SS18L1: variants seen among roughly 807,000 people sequenced by gnomAD.
The protein encoded by SS18L1 is SS18L1 subunit of BAF chromatin remodeling complex.
In SS18L1, 32 loss-of-function variants were observed where a neutral mutation model predicts 70.3. That is an observed-to-expected ratio of 0.46 (90% CI 0.34 to 0.61). The LOEUF is 0.61. Ranked by LOEUF, SS18L1 falls within the 20% of genes least tolerant of loss-of-function variation. SS18L1 has a pLI of 0.01. For missense variants in SS18L1, 430 were observed against 542.1 expected, an observed-to-expected ratio of 0.79 and a Z score of 2.05; for synonymous variants, 237 against 229.7, an observed-to-expected ratio of 1.03 and a Z score of -0.29.
intron 8 of SS18L1, among the ~76,000 whole-genome samples, chr20:62,166,752 C>T (rs2057438833): frequency 1.3e-5 from 2 of 151,090 alleles, no homozygotes; most frequent in South Asian, 4.2e-4. Context: ...CGGTGAAACC[C>T]CGTCTCTACT....
chr20:62,169,809 T>C lies in SS18L1; in HGVS notation c.917-2873T>C, dbSNP rs544326928. On this transcript the variant is annotated intron_variant, in intron 8 of 10. Transcript: ENST00000331758. ...AAAAAAAAAGGAACATCATTGGCTG[T>C]CACAGAAACTGAAAGGACCTCACTT... Among the ~76,000 whole-genome samples the C allele has an allele frequency of 2.1e-3, 313 of 150,924 alleles. 2 individuals are homozygous for C. Among genetic ancestry groups the C allele is most frequent in the African/African-American group, 6.6e-3 (272 of 41,012 alleles).
At chr20:62,170,475 C>T (rs1170851831) in intron 8 of SS18L1, among the ~76,000 whole-genome samples, 5 of 152,324 alleles carry the variant, frequency 3.3e-5, no homozygotes, top group Middle Eastern at 3.4e-3. Flanking sequence ...CACTGCACTC[C>T]AGCCTGGGTG....
chr20:62,161,308 G>A lies in SS18L1; in HGVS notation c.232-128G>A, dbSNP rs918608126. The stretch of plus-strand genomic sequence containing the variant: ...GGCTGTGACGATGGCTGCTGATTAC[G>A]AACATTGACCAGGTGGCCATGATGT... On this transcript the variant is annotated intron_variant, in intron 3 of 10. Coordinates refer to ENST00000331758, the MANE Select transcript of SS18L1 (RefSeq NM_198935.3). The surrounding 1 kb of genome is among the most constrained non-coding windows in gnomAD (Gnocchi z 4.4). 1.3e-5 allele frequency: 17 copies of A among 1,344,748 alleles called. No homozygotes were observed. In the African/African-American group the frequency reaches 1.5e-4, roughly 12 times the overall value. 83.3% of individuals were successfully genotyped at this position (1,344,748 alleles called of 1,614,324 possible).
At position 62,164,161 on chromosome 20, in the gene SS18L1, C is replaced by T. The variant is rs1343425278; in HGVS notation, c.738C>T (p.Tyr246=). ...RPSQQGSSQQ[Y]LGQEEYYGEQ... is the part of the protein sequence containing the mutation. ...CCCCCGCAGGCTCTTCCCAGCAGTA[C>T]CTGGGCCAGGAGGAGTACTATGGCG... The change falls in exon 7 of 11, where the codon TAC becomes TAT. Residue 246 remains tyrosine, a synonymous_variant. Coordinates refer to ENST00000331758, the MANE Select transcript of SS18L1 (RefSeq NM_198935.3). The T allele has an allele frequency of 1.3e-6, 2 of 1,549,956 alleles. No individual in the cohort carries two copies. Among genetic ancestry groups the T allele is most frequent in the Admixed American group, 2.0e-5 (1 of 50,966 alleles).
intron 4 of SS18L1, among the ~76,000 whole-genome samples, chr20:62,162,124 A>G (rs1371198488): frequency 6.6e-6 from 1 of 152,172 alleles, no homozygotes; most frequent in Non-Finnish European, 1.5e-5. Context: ...AATACTCGGG[A>G]GACTGAGGAG....
At chr20:62,154,639 G>C (rs2057190452) in intron 1 of SS18L1, among the ~76,000 whole-genome samples, 1 of 152,216 alleles carries the variant, frequency 6.6e-6, no homozygotes, top group African/African-American at 2.4e-5. Flanking sequence ...GAGGCTCCGT[G>C]CTGTCGGAAT....
At chr20:62,152,197 A>G (rs969150682) in intron 1 of SS18L1, among the ~76,000 whole-genome samples, 27 of 152,134 alleles carry the variant, frequency 1.8e-4, no homozygotes, top group African/African-American at 6.3e-4. Flanking sequence ...GAGCAGATGC[A>G]TGCCCACGTC....
rs919446287 is a variant in SS18L1 at position 62,159,157 on chromosome 20, G to A, written c.146+409G>A. 6.6e-6 allele frequency among the ~76,000 whole-genome samples: 1 copy of A among 152,220 alleles called. No individual in the cohort carries two copies. Among genetic ancestry groups the A allele is most frequent in the African/African-American group, 2.4e-5 (1 of 41,448 alleles). ...GCAGGAGCAGTGTGGGGAGGCCTGGGCCAGCCTCTCTGGGCAGCTCTGTGG... is the reference window on the plus strand; with the variant it reads ...GCAGGAGCAGTGTGGGGAGGCCTGGACCAGCCTCTCTGGGCAGCTCTGTGG... On this transcript the variant is annotated intron_variant, in intron 2 of 10. Coordinates refer to ENST00000331758, the MANE Select transcript of SS18L1 (RefSeq NM_198935.3). The surrounding 1 kb of genome is among the most constrained non-coding windows in gnomAD (Gnocchi z 4.4).
At chr20:62,151,811 C>G (rs1044582146) in intron 1 of SS18L1, among the ~76,000 whole-genome samples, 2 of 151,328 alleles carry the variant, frequency 1.3e-5, no homozygotes, top group East Asian at 2.0e-4. Flanking sequence ...CCCCGTTCCC[C>G]TCTTTTCCCG....
intron 8 of SS18L1, among the ~76,000 whole-genome samples, chr20:62,167,397 GAAAA>G (rs74893564): frequency 1.6e-5 from 2 of 122,194 alleles, no homozygotes; most frequent in African/African-American, 2.9e-5. Context: ...TTTCTCTCCC[GAAAA>G]AAAAAAAAAA....
At chr20:62,162,714 C>T (rs917885133) in intron 4 of SS18L1, 38 bp from the exon 5 acceptor site, 7 of 1,573,936 alleles carry the variant, frequency 4.4e-6, no homozygotes, top group Non-Finnish European at 5.2e-6. Flanking sequence ...TGACCTGGCT[C>T]CCCAGTGCCT....
intron 8 of SS18L1, among the ~76,000 whole-genome samples, chr20:62,170,497 C>G (rs183713655): frequency 6.6e-6 from 1 of 152,232 alleles, no homozygotes; most frequent in Admixed American, 6.5e-5. Flanking sequence ...CAGAGCGAGA[C>G]TCCATCTCGA....
At chr20:62,164,528 G>A (rs1027082397) in intron 7 of SS18L1, among the ~76,000 whole-genome samples, 5 of 152,254 alleles carry the variant, frequency 3.3e-5, no homozygotes, top group Non-Finnish European at 5.9e-5. Flanking sequence ...GAAAGGCTGT[G>A]GGAGTTGGAG....
At chr20:62,156,963 G>A (rs904807621) in intron 1 of SS18L1, among the ~76,000 whole-genome samples, 3 of 152,232 alleles carry the variant, frequency 2.0e-5, no homozygotes, top group Admixed American at 6.5e-5. Context: ...GGCGTGGTGG[G>A]CTCAGTTCTG....
In SS18L1 at chr20:62,162,839, C is replaced by G; in HGVS notation, c.464C>G (p.Ala155Gly). 1 of 1,612,852 alleles carries G rather than the reference C, an allele frequency of 6.2e-7. No homozygotes were observed. Among genetic ancestry groups the G allele is most frequent in the Non-Finnish European group, 8.5e-7 (1 of 1,179,956 alleles). Reference protein sequence around the residue: ...MSISGPGYSHAGPASQGVPMQ... With the variant: ...MSISGPGYSHGGPASQGVPMQ... The stretch of plus-strand genomic sequence containing the variant: ...ATCTCTGGGCCCGGCTACAGCCACG[C>G]GGGACCCGCCTCGCAGGGCGTCCCC... Residue 155 changes from alanine (A) to glycine (G), a missense_variant, in exon 5 of 11, where the codon GCG becomes GGG. Ala to Gly is a moderately conservative substitution (Grantham distance 60). Coordinates refer to ENST00000331758, the MANE Select transcript of SS18L1 (RefSeq NM_198935.3).
intron 1 of SS18L1, among the ~76,000 whole-genome samples, chr20:62,144,664 C>G (rs2056990991): frequency 6.6e-6 from 1 of 152,262 alleles, no homozygotes; most frequent in East Asian, 1.9e-4. Context: ...TTGTGGTTTT[C>G]AAGAGACAGC....
At chr20:62,160,685 C>T (rs1323258715) in intron 3 of SS18L1, among the ~76,000 whole-genome samples, 4 of 152,172 alleles carry the variant, frequency 2.6e-5, no homozygotes, top group Non-Finnish European at 4.4e-5. Flanking sequence ...CCGGGAATGA[C>T]GTATCTCCTA....
chr20:62,151,974 CCCGGTCCCCAGGG>C (rs2057140737), intron 1 of SS18L1, among the ~76,000 whole-genome samples: 5 of 148,568 alleles, frequency 3.4e-5, no homozygotes, highest in South Asian at 2.1e-4. Flanking sequence ...CCCCTCTTTT[CCCGGTCCCCAGGG>C]CTGGCCTCCC....
intron 8 of SS18L1, among the ~76,000 whole-genome samples, chr20:62,169,017 A>G (rs1361518685): frequency 1.3e-5 from 2 of 151,970 alleles, no homozygotes; most frequent in Non-Finnish European, 2.9e-5. Context: ...AGCGGGGGCC[A>G]CGGGGTCACT....
Sources: allele counts gnomAD v4.1 joint callset (sites outside exome capture counted in the v4.1 genomes callset), GRCh38; gene constraint gnomAD v4.1.1; non-coding constraint Gnocchi (gnomAD v3.1); transcripts MANE v1.5; gene names NCBI Gene and HGNC (gene_info 2026-07-23, HGNC 2026-07-21).